Variants in DET1 observed in about 807,000 individuals in gnomAD.
DET1 encodes DET1 partner of COP1 E3 ubiquitin ligase.
Under a neutral mutation model 43.7 loss-of-function variants are expected in DET1, and 22 were observed. The observed-to-expected ratio is 0.50, with a 90% CI of 0.36 to 0.72. The LOEUF is 0.72. Ranked by LOEUF, DET1 falls within the 30% of genes least tolerant of loss-of-function variation. The pLI is 0.00. For missense variants in DET1, 713 were observed against 713.3 expected (o/e 1.00, Z 0.00); for synonymous variants, 315 against 266.2 (o/e 1.18, Z -1.79).
intron 1 of DET1, among the ~76,000 whole-genome samples, chr15:88,544,487 A>T (rs1313080960): frequency 6.6e-6 from 1 of 152,182 alleles, no homozygotes; most frequent in East Asian, 1.9e-4. Flanking sequence ...CAGGTACAAG[A>T]TATCACCCTG....
intron 1 of DET1, among the ~76,000 whole-genome samples, chr15:88,535,229 A>G (rs2056916686): frequency 6.6e-6 from 1 of 152,194 alleles, no homozygotes; most frequent in African/African-American, 2.4e-5. Context: ...ATTCTGAAAA[A>G]GAATAAAAAA....
At chr15:88,511,433 AT>A, downstream of DET1, 1 of 985,172 alleles carries the variant, frequency 1.0e-6, no homozygotes. Context: ...CTTATTTACC[AT>A]TTTCATACTT....
intron 7 of DET1, chr15:88,505,408 T>C (rs2056129811): frequency 6.6e-6 from 1 of 152,236 alleles, no homozygotes; most frequent in African/African-American, 2.4e-5. Context: ...ATCATGTTCA[T>C]TCCTCCAATG....
intron 4 of DET1, among the ~76,000 whole-genome samples, chr15:88,515,476 T>C (rs1054777100): frequency 7.5e-6 from 1 of 133,770 alleles, no homozygotes; most frequent in African/African-American, 2.9e-5. Context: ...GAGGCAGAGG[T>C]TGCAGTGAGT....
chr15:88,512,922 G>A lies in DET1; in HGVS notation c.*29C>T. On this transcript the variant is annotated 3_prime_UTR_variant, in exon 5 of 5. Coordinates refer to ENST00000268148, the MANE Select transcript of DET1 (RefSeq NM_001144074.3). ...ATAAGTGAGTGGCAAAGTCTTGGAA[G>A]ACCAGATAATCTGGCTCTGGTGAGG... 6.2e-7 allele frequency: 1 copy of A among 1,608,008 alleles called. No homozygotes were observed. Among genetic ancestry groups the A allele is most frequent in the Non-Finnish European group, 8.5e-7 (1 of 1,175,252 alleles).
intron 3 of DET1, among the ~76,000 whole-genome samples, chr15:88,525,282 G>GA (rs201793488): frequency 1.3e-5 from 2 of 151,298 alleles, no homozygotes; most frequent in Admixed American, 6.6e-5. Context: ...GTAGTAACAG[G>GA]AAAAAAAAAT....
chr15:88,529,046 A>C (rs1372848045), intron 2 of DET1, among the ~76,000 whole-genome samples: 1 of 152,206 alleles, frequency 6.6e-6, no homozygotes, highest in African/African-American at 2.4e-5. Context: ...TAGAGTTACA[A>C]ACTGTGTAAG....
chr15:88,519,607 C>T (rs985445154), intron 3 of DET1, among the ~76,000 whole-genome samples: 5 of 152,188 alleles, frequency 3.3e-5, no homozygotes, highest in East Asian at 1.9e-4. Flanking sequence ...ATCCTACACT[C>T]ATCATATCCT....
In DET1 at chr15:88,513,892, C is replaced by T. The variant is rs1198230757; in HGVS notation, c.1464-752G>A. Among the ~76,000 whole-genome samples, 7 of 146,482 alleles carry T rather than the reference C, an allele frequency of 4.8e-5. No individual in the cohort carries two copies. The South Asian group carries it at 6.6e-4, about 14-fold the overall frequency. ...TCGGCTCACTGCAAGCTCCGCCTCC[C>T]GGGTTCACGCCATTCTCCTGCCTCA... On this transcript the variant is annotated intron_variant, in intron 4 of 4. Transcript: ENST00000268148.
At chr15:88,544,541 C>T (rs982245646) in intron 1 of DET1, among the ~76,000 whole-genome samples, 32 of 152,164 alleles carry the variant, frequency 2.1e-4, no homozygotes, top group Non-Finnish European at 2.1e-4. Flanking sequence ...CCTAACCAGA[C>T]GGGGTCCTGC....
chr15:88,503,271 A>T (rs1488385107), intron 8 of DET1: 1 of 152,158 alleles, frequency 6.6e-6, no homozygotes, highest in African/African-American at 2.4e-5. Context: ...TCAAAAAAAT[A>T]AAAAATAAAA....
chr15:88,531,188 A>C lies in DET1; in HGVS notation c.518T>G (p.Val173Gly). Residue 173 changes from valine (V) to glycine (G), a missense_variant, in exon 2 of 5, where the codon GTA becomes GGA. Coordinates refer to ENST00000268148, the MANE Select transcript of DET1 (RefSeq NM_001144074.3). The surrounding 1 kb of genome is among the most constrained non-coding windows in gnomAD (Gnocchi z 6.2). The stretch of plus-strand genomic sequence containing the variant: ...GGTCACTGATTCACTGTTCCGATAT[A>C]CCTCAAAAAATGGAGGGTGAGGCTC... ...PDEPHPPFFE[V>G]YRNSESVTPN... The C allele has an allele frequency of 6.2e-7, 1 of 1,613,814 alleles. No homozygotes were observed. The highest frequency in any genetic ancestry group is 8.5e-7 in the Non-Finnish European group (1 of 1,179,826).
chr15:88,536,343 G>A lies in DET1; in HGVS notation c.-10-4628C>T, dbSNP rs377014499. 7.6e-4 allele frequency: 592 copies of A among 779,582 alleles called. 7 individuals are homozygous for A. Among genetic ancestry groups the A allele is most frequent in the South Asian group, 7.2e-3 (531 of 74,206 alleles). 48.3% of individuals were successfully genotyped at this position (779,582 alleles called of 1,614,324 possible). A position where few individuals can be genotyped will look rare whatever the true frequency, so the allele number is the denominator to read the frequency against. ...AGTATCTGTCCCACCATACCAGAGA[G>A]CAGGGAACTGGTCTAATTCCTTGCT... On this transcript the variant is annotated intron_variant, in intron 1 of 4. Coordinates refer to ENST00000268148, the MANE Select transcript of DET1 (RefSeq NM_001144074.3).
At chr15:88,534,926 G>A (rs1197602487) in intron 1 of DET1, among the ~76,000 whole-genome samples, 2 of 152,146 alleles carry the variant, frequency 1.3e-5, no homozygotes, top group South Asian at 4.1e-4. Flanking sequence ...AGCATATGAA[G>A]TACTAGGAAA....
chr15:88,508,199 T>A (rs1222417761), downstream of DET1, among the ~76,000 whole-genome samples: 1 of 152,194 alleles, frequency 6.6e-6, no homozygotes, highest in Non-Finnish European at 1.5e-5. Context: ...TCATTATATA[T>A]TACAGTGTAA....
chr15:88,535,618 C>T (rs2056928161), intron 1 of DET1, among the ~76,000 whole-genome samples: 2 of 151,754 alleles, frequency 1.3e-5, no homozygotes, highest in Non-Finnish European at 2.9e-5. Flanking sequence ...TAGCCGGGCA[C>T]AGTGGTGTGC....
intron 4 of DET1, among the ~76,000 whole-genome samples, chr15:88,515,155 T>C (rs2056307002): frequency 6.6e-6 from 1 of 152,070 alleles, no homozygotes; most frequent in Non-Finnish European, 1.5e-5. Flanking sequence ...AAGCAAAGTC[T>C]AGAATTTGGA....
At position 88,504,249 on chromosome 15, in the gene DET1, G is replaced by A. The variant is rs1004390753; in HGVS notation, c.*2066-262C>T. 5.9e-5 allele frequency: 9 copies of A among 152,188 alleles called. No individual in the cohort carries two copies. The highest frequency in any genetic ancestry group is 2.2e-4 in the African/African-American group (9 of 41,446). The allele number at this position is 152,188 out of a possible 1,614,324, so 9.4% of individuals were successfully genotyped here. On this transcript the variant is annotated intron_variant and NMD_transcript_variant, in intron 7 of 8. Transcript: ENST00000557842. This position sits in a 1 kb window ranked among gnomAD's most constrained non-coding sequence, Gnocchi z 4.7. ...GTGATATGGCGGCTGAATGATTCCAGGGGTGCGGGCGGGGTGCAAAAGCCT... is the reference window on the plus strand; with the variant it reads ...GTGATATGGCGGCTGAATGATTCCAAGGGTGCGGGCGGGGTGCAAAAGCCT...
chr15:88,515,187 C>G (rs185793108), intron 4 of DET1, among the ~76,000 whole-genome samples: 1 of 151,968 alleles, frequency 6.6e-6, no homozygotes, highest in Non-Finnish European at 1.5e-5. Context: ...GAAAAACAAC[C>G]TGGTTTCCTC....
Sources: gnomAD v4.1 joint callset for allele counts (sites outside exome capture counted in the v4.1 genomes callset) on GRCh38, gnomAD v4.1.1 for gene constraint, Gnocchi (gnomAD v3.1) non-coding constraint, MANE v1.5 for transcripts, NCBI Gene and HGNC (gene_info 2026-07-23, HGNC 2026-07-21) for gene names.